Variants in SLC15A5 observed in about 807,000 individuals in gnomAD.
SLC15A5 encodes solute carrier family 15 member 5, also known as Peptide/histidine transporter ENSP00000340402.
In SLC15A5, 58 loss-of-function variants were observed where a neutral mutation model predicts 56.1. The observed-to-expected ratio is 1.03, with a 90% confidence interval of 0.84 to 1.29. SLC15A5 has a LOEUF of 1.29. Ranked by LOEUF, SLC15A5 falls within the 50% of genes most tolerant of loss-of-function variation. The pLI is 0.00. For synonymous variants in SLC15A5, 264 were observed against 250.5 expected (o/e 1.05, Z -0.51); for missense variants, 681 against 672.1 (o/e 1.01, Z -0.15).
At chr12:16,276,855 T>C (rs1591665334) in intron 1 of SLC15A5, among the ~76,000 whole-genome samples, 1 of 152,076 alleles carries the variant, frequency 6.6e-6, no homozygotes, top group East Asian at 1.9e-4. Flanking sequence ...TGCCATCATA[T>C]GCAATCTTAA....
intron 1 of SLC15A5, among the ~76,000 whole-genome samples, chr12:16,275,865 G>A (rs1798755): frequency 0.99 from 150,675 of 152,064 alleles, 74,661 homozygotes; most frequent in Middle Eastern, 1. Flanking sequence ...AGCAGAGTAA[G>A]TTAGTCTGGG....
chr12:16,192,853 C>T (rs183359542), intron 8 of SLC15A5, among the ~76,000 whole-genome samples: 1 of 152,112 alleles, frequency 6.6e-6, no homozygotes, highest in East Asian at 1.9e-4. Context: ...CTCATCCTCA[C>T]AAAAGCCTTA....
At chr12:16,204,390 G>A (rs1863992759) in intron 7 of SLC15A5, among the ~76,000 whole-genome samples, 1 of 150,352 alleles carries the variant, frequency 6.7e-6, no homozygotes, top group African/African-American at 2.5e-5. Flanking sequence ...CCGGGAGGCA[G>A]AGGTTGCAGC....
chr12:16,191,588 G>A (rs750147418), intron 8 of SLC15A5, among the ~76,000 whole-genome samples: 40 of 152,020 alleles, frequency 2.6e-4, no homozygotes, highest in Non-Finnish European at 4.7e-4. Context: ...CTGGGACATC[G>A]GTACTTTTCC....
intron 7 of SLC15A5, among the ~76,000 whole-genome samples, chr12:16,216,661 A>C (rs1158261020): frequency 6.6e-6 from 1 of 152,216 alleles, no homozygotes; most frequent in Non-Finnish European, 1.5e-5. Flanking sequence ...TTTAAAATAC[A>C]CTAAGGACAG....
chr12:16,254,060 A>G (rs1864544983), intron 3 of SLC15A5, among the ~76,000 whole-genome samples: 1 of 152,148 alleles, frequency 6.6e-6, no homozygotes, highest in Non-Finnish European at 1.5e-5. Flanking sequence ...ACAAGTGAAT[A>G]AAGAAAATGT....
intron 5 of SLC15A5, among the ~76,000 whole-genome samples, chr12:16,238,616 C>T (rs148324494): frequency 0.023 from 2,612 of 113,644 alleles, 77 homozygotes; most frequent in African/African-American, 0.084. Flanking sequence ...GGCGACAGAG[C>T]GAGACTCCGT....
intron 2 of SLC15A5, among the ~76,000 whole-genome samples, chr12:16,261,493 A>G (rs1358253): frequency 0.26 from 38,855 of 152,096 alleles, 5,475 homozygotes; most frequent in East Asian, 0.49. Flanking sequence ...CTGTTAATAG[A>G]CTTTTTCAGC....
chr12:16,255,052 G>A (rs1449400552), intron 3 of SLC15A5, among the ~76,000 whole-genome samples: 2 of 152,090 alleles, frequency 1.3e-5, no homozygotes, highest in Non-Finnish European at 2.9e-5. Context: ...TTACCCTGAT[G>A]TGATTACTAT....
rs970908027 is a variant in SLC15A5, at chr12:16,224,506, C to A, written c.1259G>T (p.Gly420Val). The stretch of plus-strand genomic sequence containing the variant: ...CATGGAGGAAACAGTGAGAACTTTT[C>A]CTGAAAGGGGCTGCTCCACTGCAGG... The part of the protein sequence containing the change: ...HFPAVEQPLS[G>V]KVLTVSSMPC... The change falls in exon 6 of 9, where the codon GGA becomes GTA. Residue 420 changes from glycine to valine, a missense_variant. Physicochemically the swap from Gly to Val is moderately radical, Grantham distance 109 (BLOSUM62 -3). Transcript: ENST00000344941. The A allele has an allele frequency of 1.3e-6, 2 of 1,537,172 alleles. No homozygotes were observed. The highest frequency in any genetic ancestry group is 1.7e-4 in the Middle Eastern group (1 of 5,990).
chr12:16,276,385 A>G lies in SLC15A5; in HGVS notation c.361+940T>C, dbSNP rs187571651. Among the ~76,000 whole-genome samples the G allele has an allele frequency of 8.5e-5, 13 of 152,090 alleles. No homozygotes were observed. The East Asian group carries it at 1.7e-3, about 20-fold the overall frequency. ...TGGTGAACAGCATGCTATATTCCCAAGTTGCTCAGATCAGAAACTTGGAGC... is the reference window on the plus strand; with the variant it reads ...TGGTGAACAGCATGCTATATTCCCAGGTTGCTCAGATCAGAAACTTGGAGC... On this transcript the variant is annotated intron_variant, in intron 1 of 8. Coordinates refer to ENST00000344941, the MANE Select transcript of SLC15A5 (RefSeq NM_001170798.1).
intron 7 of SLC15A5, among the ~76,000 whole-genome samples, chr12:16,195,298 T>C (rs575285587): frequency 6.6e-6 from 1 of 152,150 alleles, no homozygotes; most frequent in South Asian, 2.1e-4. Flanking sequence ...AATTTTGGGG[T>C]ATTGTTTAAT....
chr12:16,220,861 A>G (rs1210241825), intron 6 of SLC15A5, among the ~76,000 whole-genome samples: 1 of 152,176 alleles, frequency 6.6e-6, no homozygotes, highest in Non-Finnish European at 1.5e-5. Context: ...CGAGAGCAGT[A>G]TTAGGCACAC....
At chr12:16,194,869 AG>A (rs1217664833) in intron 7 of SLC15A5, among the ~76,000 whole-genome samples, 1 of 152,060 alleles carries the variant, frequency 6.6e-6, no homozygotes, top group African/African-American at 2.4e-5. Flanking sequence ...ATGACCAGAG[AG>A]TCTGTTTCAT....
At chr12:16,199,906 ACT>A (rs1281697048) in intron 7 of SLC15A5, among the ~76,000 whole-genome samples, 3 of 151,950 alleles carry the variant, frequency 2.0e-5, no homozygotes, top group Non-Finnish European at 4.4e-5. Context: ...GTCTATAATC[ACT>A]CTATCTAGTC....
chr12:16,208,401 GT>G (rs769000106), intron 7 of SLC15A5, among the ~76,000 whole-genome samples: 6 of 152,278 alleles, frequency 3.9e-5, no homozygotes, highest in East Asian at 3.9e-4. Flanking sequence ...ATTAGGTGTG[GT>G]GGCTTTTGCT....
intron 6 of SLC15A5, among the ~76,000 whole-genome samples, chr12:16,222,387 T>C (rs1864196697): frequency 6.6e-6 from 1 of 152,208 alleles, no homozygotes; most frequent in Non-Finnish European, 1.5e-5. Context: ...TGAAATACCC[T>C]TTCATATGTT....
At chr12:16,219,636 C>T (rs1289856602) in intron 6 of SLC15A5, among the ~76,000 whole-genome samples, 3 of 152,182 alleles carry the variant, frequency 2.0e-5, no homozygotes, top group Non-Finnish European at 2.9e-5. Flanking sequence ...TCATTTTAGT[C>T]GTTTTTGAAA....
chr12:16,236,769 GTAAC>G (rs1277142616), intron 5 of SLC15A5, among the ~76,000 whole-genome samples: 1 of 152,294 alleles, frequency 6.6e-6, no homozygotes, highest in Middle Eastern at 3.4e-3. Flanking sequence ...AGTATAAGGA[GTAAC>G]TGCCCATTGT....
Sources: allele counts gnomAD v4.1 joint callset (sites outside exome capture counted in the v4.1 genomes callset), GRCh38; gene constraint gnomAD v4.1.1; transcripts MANE v1.5; gene names NCBI Gene and HGNC (gene_info 2026-07-23, HGNC 2026-07-21).